The following DNM2 variants were observed in gnomAD, a reference collection of about 807,000 sequenced individuals.
DNM2 encodes dynamin-2.
In DNM2, 15 loss-of-function variants were observed where a neutral mutation model predicts 99.0. The observed-to-expected ratio is 0.15, with a 90% confidence interval of 0.10 to 0.23. The LOEUF (loss-of-function observed/expected upper bound fraction) is 0.23, where lower values mean the gene tolerates loss of function less well. DNM2 is among the 10% of genes least tolerant of loss of function. The pLI is 1.00. For synonymous variants in DNM2, 525 were observed against 481.2 expected, an observed-to-expected ratio of 1.09 and a Z score of -1.19; for missense variants, 742 against 1,189.4, an observed-to-expected ratio of 0.62 and a Z score of 5.53.
intron 1 of DNM2, among the ~76,000 whole-genome samples, chr19:10,757,387 T>G (rs1455382452): frequency 6.6e-6 from 1 of 152,132 alleles, no homozygotes; most frequent in Non-Finnish European, 1.5e-5. Flanking sequence ...CGCCAGCCAC[T>G]GGGTAATACA....
Position 10,806,092 on chromosome 19 carries a change from A to C in DNM2, c.1545+125A>C, listed in dbSNP as rs117512197. On this transcript the variant is annotated intron_variant, in intron 13 of 20. Coordinates refer to ENST00000389253, the MANE Select transcript of DNM2 (RefSeq NM_001005361.3). ...CACCCCACAGCCTCAGTACCAGGCC[A>C]TCTGCTCTCTCTAGAGGCCACTTAG... The C allele has an allele frequency of 1.9e-3, 2,283 of 1,207,046 alleles. 65 individuals are homozygous for C. The East Asian group carries it at 0.052, about 28-fold the overall frequency. The allele number at this position is 1,207,046 out of a possible 1,614,324, so 74.8% of individuals were successfully genotyped here.
rs542156315 is a variant in DNM2, at chr19:10,777,392, G to A, written c.688+176G>A. ...TTTTTCTTCTGATTTGTATGCATTC[G>A]TTTTTCAAGTGCACAATTAACACCT... On this transcript the variant is annotated intron_variant, in intron 5 of 20. Coordinates refer to ENST00000389253, the MANE Select transcript of DNM2 (RefSeq NM_001005361.3). Among the ~76,000 whole-genome samples, 4 of 152,088 alleles carry A rather than the reference G, an allele frequency of 2.6e-5. No homozygotes were observed. The South Asian group carries it at 6.2e-4, about 24-fold the overall frequency.
At chr19:10,802,517 T>C in intron 12 of DNM2, 159 bp downstream of exon 12, 2 of 802,486 alleles carry the variant, frequency 2.5e-6, no homozygotes, top group South Asian at 1.5e-5. Context: ...ATCTGGAAGC[T>C]CTCCTGGGCT....
At chr19:10,794,594 T>TA (rs879406571) in intron 8 of DNM2, among the ~76,000 whole-genome samples, 2 of 151,654 alleles carry the variant, frequency 1.3e-5, no homozygotes, top group Non-Finnish European at 2.9e-5. Context: ...ATACAAAAAT[T>TA]ATCCAGGTGT....
intron 14 of DNM2, 129 bp downstream of exon 14, chr19:10,808,709 G>A: frequency 8.1e-7 from 1 of 1,227,944 alleles, no homozygotes; most frequent in Admixed American, 2.1e-5. Context: ...GAGCTAACCT[G>A]GAAACCCCAT....
intron 1 of DNM2, 81 bp from the exon 2 acceptor site, chr19:10,759,657 T>C: frequency 6.4e-7 from 1 of 1,566,636 alleles, no homozygotes; most frequent in Non-Finnish European, 8.8e-7. Context: ...CAAGACAGAG[T>C]TGCTCCACCA....
rs1175968217 is a variant in DNM2 at position 10,806,036 on chromosome 19, C to T, written c.1545+69C>T. On this transcript the variant is annotated intron_variant, in intron 13 of 20. Coordinates refer to ENST00000389253, the MANE Select transcript of DNM2 (RefSeq NM_001005361.3). The stretch of plus-strand genomic sequence containing the variant: ...GAGGACGCTAAGTGACAGCTAAGCC[C>T]CCGTGATGGAGCTCGGCCTGTGTAA... 6 of 1,599,174 alleles carry T rather than the reference C, an allele frequency of 3.8e-6. No homozygotes were observed. The Admixed American group carries it at 8.3e-5, about 22-fold the overall frequency.
rs1267709385 is a variant in DNM2, at chr19:10,818,041, G to A, written c.1672-1939G>A. The stretch of plus-strand genomic sequence containing the variant: ...GAGCCGGGGGCAGGGCTTCTGCAGA[G>A]CCCCCTCCCCTAGCCCCTTCTAAAG... On this transcript the variant is annotated intron_variant, in intron 15 of 20. Transcript: ENST00000389253. This position sits in a 1 kb window ranked among gnomAD's most constrained non-coding sequence, Gnocchi z 4.3. Among the ~76,000 whole-genome samples the A allele has an allele frequency of 6.6e-6, 1 of 152,056 alleles. No homozygotes were observed. The highest frequency in any genetic ancestry group is 1.5e-5 in the Non-Finnish European group (1 of 67,984).
chr19:10,806,086 C>T (rs916872087), intron 13 of DNM2, 119 bp downstream of exon 13: 4 of 1,258,160 alleles, frequency 3.2e-6, no homozygotes, highest in Admixed American at 1.9e-5. Flanking sequence ...GCCTCAGTAC[C>T]AGGCCATCTG....
Position 10,812,187 on chromosome 19 carries a change from G to C in DNM2, c.1558-77G>C. 2 of 1,333,770 alleles carry C rather than the reference G, an allele frequency of 1.5e-6. No individual in the cohort carries two copies. Among genetic ancestry groups the C allele is most frequent in the Non-Finnish European group, 2.1e-6 (2 of 961,428 alleles). The allele number at this position is 1,333,770 out of a possible 1,614,324, so 82.6% of individuals were successfully genotyped here. ...GCGGTCCCTGGCTTCCCACTGAGCT[G>C]TGGGCAAGGCTGCTGCGCTGGGGGA... On this transcript the variant is annotated intron_variant, in intron 14 of 20. Coordinates refer to ENST00000389253, the MANE Select transcript of DNM2 (RefSeq NM_001005361.3). This position sits in a 1 kb window ranked among gnomAD's most constrained non-coding sequence, Gnocchi z 4.0.
rs1341305079 is a variant in DNM2, at chr19:10,818,236, T to C, written c.1672-1744T>C. On this transcript the variant is annotated intron_variant, in intron 15 of 20. Transcript: ENST00000389253. The surrounding 1 kb of genome is among the most constrained non-coding windows in gnomAD (Gnocchi z 4.3). ...CCTCTCCTATGCTCTGCTCCCTCCATGGCCACCGGGCCCCTCTCCTATGCT... is the reference window on the plus strand; with the variant it reads ...CCTCTCCTATGCTCTGCTCCCTCCACGGCCACCGGGCCCCTCTCCTATGCT... 6.6e-6 allele frequency among the ~76,000 whole-genome samples: 1 copy of C among 151,732 alleles called. No homozygotes were observed. Among genetic ancestry groups the C allele is most frequent in the Non-Finnish European group, 1.5e-5 (1 of 67,874 alleles).
chr19:10,784,819 A>AGATT (rs2071499896), intron 6 of DNM2, among the ~76,000 whole-genome samples: 2 of 99,464 alleles, frequency 2.0e-5, no homozygotes, highest in East Asian at 5.9e-4. Context: ...TTTTTTGATG[A>AGATT]TTTTTTTTTT....
At chr19:10,806,002 TG>T in intron 13 of DNM2, 35 bp downstream of exon 13, 2 of 1,613,442 alleles carry the variant, frequency 1.2e-6, no homozygotes, top group Non-Finnish European at 1.7e-6. Flanking sequence ...CGCTCTACCC[TG>T]GGGGCGGGAG....
At chr19:10,788,232 CAAAA>C (rs55881063) in intron 7 of DNM2, among the ~76,000 whole-genome samples, 1 of 57,016 alleles carries the variant, frequency 1.8e-5, no homozygotes, top group Non-Finnish European at 3.5e-5. Flanking sequence ...GACTCCGTCT[CAAAA>C]AAAAAAAAAA....
chr19:10,793,170 A>G (rs1188873689), intron 7 of DNM2, among the ~76,000 whole-genome samples: 2 of 152,198 alleles, frequency 1.3e-5, no homozygotes, highest in African/African-American at 2.4e-5. Context: ...TCTTGGAGGT[A>G]ATGAGATCTA....
rs946910429 is a variant in DNM2, at chr19:10,817,320, T to C, written c.1672-2660T>C. The C allele has an allele frequency of 4.6e-6, 2 of 431,208 alleles. No homozygotes were observed. Among genetic ancestry groups the C allele is most frequent in the Non-Finnish European group, 9.4e-6 (2 of 212,316 alleles). The allele number at this position is 431,208 out of a possible 1,614,324, so 26.7% of individuals were successfully genotyped here. A position where few individuals can be genotyped will look rare whatever the true frequency, so the allele number is the denominator to read the frequency against. ...CTTCTCCCACCCAGGCCCTCGAATC[T>C]TCTATGCGAGGCTCTGCCACAGTGG... is the stretch of plus-strand genomic sequence containing the variant. On this transcript the variant is annotated intron_variant, in intron 15 of 20. Transcript: ENST00000389253. The surrounding 1 kb of genome is among the most constrained non-coding windows in gnomAD (Gnocchi z 4.6).
chr19:10,823,415 AAAT>A (rs200587793), intron 16 of DNM2: 3 of 149,608 alleles, frequency 2.0e-5, no homozygotes, highest in East Asian at 4.6e-4. Context: ...CAAAAAAAAA[AAAT>A]AAATAATAAT....
At chr19:10,729,266 T>C (rs2069225613) in intron 1 of DNM2, among the ~76,000 whole-genome samples, 1 of 150,940 alleles carries the variant, frequency 6.6e-6, no homozygotes, top group South Asian at 2.1e-4. Context: ...GGAGAATTAC[T>C]TGAAGGTTGC....
At chr19:10,746,894 G>A (rs535502638) in intron 1 of DNM2, among the ~76,000 whole-genome samples, 3 of 151,316 alleles carry the variant, frequency 2.0e-5, no homozygotes, top group South Asian at 2.1e-4. Flanking sequence ...CCACCACCAC[G>A]CCTGGCTAAT....
Sources: allele counts gnomAD v4.1 joint callset (sites outside exome capture counted in the v4.1 genomes callset), GRCh38; gene constraint gnomAD v4.1.1; non-coding constraint Gnocchi (gnomAD v3.1); transcripts MANE v1.5; gene names NCBI Gene and HGNC (gene_info 2026-07-23, HGNC 2026-07-21).